ADGRL2: variants seen among roughly 807,000 people sequenced by gnomAD.
ADGRL2 encodes the protein calcium-independent alpha-latrotoxin receptor 2.
ADGRL2 carries 44 observed loss-of-function variants against 157.4 expected under a neutral mutation model. That is an observed-to-expected ratio of 0.28 (90% CI 0.22 to 0.36). The LOEUF (loss-of-function observed/expected upper bound fraction) is 0.36, where lower values mean the gene tolerates loss of function less well. Ranked by LOEUF, ADGRL2 falls within the 10% of genes least tolerant of loss-of-function variation. The pLI, the probability that ADGRL2 is intolerant of heterozygous loss-of-function variation, is 1.00. For synonymous variants in ADGRL2, 585 were observed against 624.7 expected (o/e 0.94, Z 0.95); for missense variants, 1,510 against 1,768.9 (o/e 0.85, Z 2.63).
intron 3 of ADGRL2, among the ~76,000 whole-genome samples, chr1:81,672,681 A>G (rs1485717719): frequency 6.6e-6 from 1 of 152,208 alleles, no homozygotes; most frequent in Non-Finnish European, 1.5e-5. Context: ...AATGACAATT[A>G]AAAAATGTTG....
At chr1:81,841,221 C>T (rs919053675) in intron 2 of ADGRL2, among the ~76,000 whole-genome samples, 1 of 151,950 alleles carries the variant, frequency 6.6e-6, no homozygotes, top group Non-Finnish European at 1.5e-5. Context: ...AAATGTTCTG[C>T]CAGGTATAAA....
intron 1 of ADGRL2, among the ~76,000 whole-genome samples, chr1:81,806,571 A>T (rs1384810831): frequency 1.3e-5 from 2 of 152,028 alleles, no homozygotes; most frequent in Non-Finnish European, 2.9e-5. Flanking sequence ...TCAAGAGGTA[A>T]CTAGAAATCT....
chr1:81,947,805 A>G (rs35317140), intron 6 of ADGRL2, among the ~76,000 whole-genome samples: 21,401 of 152,214 alleles, frequency 0.14, 1,818 homozygotes, highest in Middle Eastern at 0.3. Context: ...GTGTACCTCT[A>G]AAAGATTTAG....
chr1:81,851,476 C>A (rs558744293), intron 2 of ADGRL2, among the ~76,000 whole-genome samples: 1 of 151,680 alleles, frequency 6.6e-6, no homozygotes, highest in Admixed American at 6.6e-5. Context: ...TCTTTAGTAA[C>A]TAGAAAATCC....
At chr1:81,507,293 G>C (rs1267957138) in intron 2 of ADGRL2, among the ~76,000 whole-genome samples, 1 of 152,054 alleles carries the variant, frequency 6.6e-6, no homozygotes, top group Non-Finnish European at 1.5e-5. Flanking sequence ...CACAGAAGGA[G>C]ACTTAATATT....
At chr1:81,332,912 A>G (rs1007327156) in intron 1 of ADGRL2, among the ~76,000 whole-genome samples, 1 of 152,208 alleles carries the variant, frequency 6.6e-6, no homozygotes, top group South Asian at 2.1e-4. Context: ...CTTGGACAAA[A>G]ATGTATCATA....
chr1:81,740,203 A>G (rs909068885), intron 1 of ADGRL2, among the ~76,000 whole-genome samples: 6 of 152,190 alleles, frequency 3.9e-5, no homozygotes, highest in African/African-American at 1.4e-4. Flanking sequence ...TTTCATTCCA[A>G]ATTATTTTAC....
intron 2 of ADGRL2, among the ~76,000 whole-genome samples, chr1:81,551,184 T>G (rs2080136816): frequency 6.6e-6 from 1 of 152,122 alleles, no homozygotes; most frequent in Admixed American, 6.5e-5. Flanking sequence ...AATTTTTGGG[T>G]CCCAGATGCT....
chr1:81,579,723 A>AT (rs977660858), intron 2 of ADGRL2, among the ~76,000 whole-genome samples: 2 of 151,880 alleles, frequency 1.3e-5, no homozygotes, highest in African/African-American at 2.4e-5. Flanking sequence ...TGCCAAAATT[A>AT]TTTTTTTACC....
intron 2 of ADGRL2, chr1:81,503,221 G>C (rs2078893862): frequency 6.2e-7 from 1 of 1,614,214 alleles, no homozygotes; most frequent in Non-Finnish European, 8.5e-7. Context: ...CAGAGCAGAG[G>C]CCTCGGCTGC....
At chr1:81,359,026 AG>A (rs927277204) in intron 1 of ADGRL2, among the ~76,000 whole-genome samples, 7 of 152,038 alleles carry the variant, frequency 4.6e-5, no homozygotes, top group African/African-American at 1.7e-4. Flanking sequence ...TGTATTTAAA[AG>A]TTCTGCTGTG....
At chr1:81,514,987 A>C (rs776457118) in intron 2 of ADGRL2, 1 of 152,248 alleles carries the variant, frequency 6.6e-6, no homozygotes, top group Non-Finnish European at 1.5e-5. Context: ...TTCCTCCGTG[A>C]TTTAAATATT....
chr1:81,548,205 T>C (rs1333922097), intron 2 of ADGRL2, among the ~76,000 whole-genome samples: 3 of 152,184 alleles, frequency 2.0e-5, no homozygotes, highest in Admixed American at 6.5e-5. Flanking sequence ...CAATTTCTTA[T>C]GTTCTGTGCA....
At chr1:81,324,434 G>A (rs1449603475) in intron 1 of ADGRL2, among the ~76,000 whole-genome samples, 2 of 151,066 alleles carry the variant, frequency 1.3e-5, no homozygotes, top group East Asian at 3.9e-4. Flanking sequence ...GTTTGAGCCC[G>A]AGAAGTCGAG....
intron 2 of ADGRL2, 86 bp from the exon 3 acceptor site, chr1:81,906,931 G>T (rs2148305582): frequency 1.9e-6 from 2 of 1,077,032 alleles, no homozygotes; most frequent in South Asian, 3.0e-5. Context: ...CGATAGACAT[G>T]AATCATATTA....
chr1:81,433,990 T>C (rs2077366983), intron 1 of ADGRL2, among the ~76,000 whole-genome samples: 1 of 152,214 alleles, frequency 6.6e-6, no homozygotes, highest in South Asian at 2.1e-4. Flanking sequence ...GAAGCCTTAG[T>C]CTGACTTTTT....
chr1:81,362,778 C>T (rs919684308), intron 1 of ADGRL2, among the ~76,000 whole-genome samples: 1 of 151,850 alleles, frequency 6.6e-6, no homozygotes, highest in Non-Finnish European at 1.5e-5. Context: ...AAACATAAAA[C>T]CTTTTCCATG....
At chr1:81,880,853 G>A (rs373073712) in intron 2 of ADGRL2, among the ~76,000 whole-genome samples, 1 of 152,096 alleles carries the variant, frequency 6.6e-6, no homozygotes, top group Admixed American at 6.5e-5. Context: ...TTCCCTATCT[G>A]CCTAGGCATT....
chr1:81,707,646 A>ATTGTTG (rs35728784), intron 1 of ADGRL2, among the ~76,000 whole-genome samples: 1 of 151,636 alleles, frequency 6.6e-6, no homozygotes, highest in African/African-American at 2.4e-5. Context: ...AATGTATGTT[A>ATTGTTG]TTGTTGTTGT....
Sources: allele counts gnomAD v4.1 joint callset (sites outside exome capture counted in the v4.1 genomes callset), GRCh38; gene constraint gnomAD v4.1.1; transcripts MANE v1.5; gene names NCBI Gene and HGNC (gene_info 2026-07-23, HGNC 2026-07-21).